PHACTR1: variants seen among roughly 807,000 people sequenced by gnomAD.
PHACTR1 encodes the protein RPEL repeat containing 1.
Under a neutral mutation model 69.2 loss-of-function variants are expected in PHACTR1, and 16 were observed. That is an observed-to-expected ratio of 0.23 (90% CI 0.16 to 0.35). The LOEUF (loss-of-function observed/expected upper bound fraction) is 0.35. Ranked by LOEUF, PHACTR1 falls within the 10% of genes least tolerant of loss-of-function variation. PHACTR1 has a pLI of 1.00. For missense variants in PHACTR1, 510 were observed against 734.7 expected, an observed-to-expected ratio of 0.69 and a Z score of 3.54; for synonymous variants, 312 against 284.5, an observed-to-expected ratio of 1.10 and a Z score of -0.97.
chr6:12,968,940 G>C (rs554530887), intron 4 of PHACTR1, among the ~76,000 whole-genome samples: 46 of 152,020 alleles, frequency 3.0e-4, no homozygotes, highest in Admixed American at 1.8e-3. Context: ...AGAATCTCCC[G>C]GGGATTCTGT....
intron 4 of PHACTR1, among the ~76,000 whole-genome samples, chr6:13,000,643 G>GAAGGAAGGGA (rs1562115334): frequency 1.8e-5 from 1 of 56,462 alleles, no homozygotes; most frequent in Non-Finnish European, 3.2e-5. Flanking sequence ...GAAGGAAGGG[G>GAAGGAAGGGA]GGAGGGAGGG....
chr6:13,052,420 G>A (rs1387392327), intron 4 of PHACTR1, among the ~76,000 whole-genome samples: 6 of 152,236 alleles, frequency 3.9e-5, no homozygotes, highest in African/African-American at 7.2e-5. Flanking sequence ...CATGGCTTCA[G>A]ATATCATTTT....
At chr6:12,957,982 A>G (rs576716831) in intron 4 of PHACTR1, 13 of 985,270 alleles carry the variant, frequency 1.3e-5, no homozygotes, top group Non-Finnish European at 1.6e-5. Context: ...AAGCCAGGAA[A>G]CAGACCCAGA....
intron 4 of PHACTR1, among the ~76,000 whole-genome samples, chr6:12,824,175 G>A (rs1413300476): frequency 6.6e-6 from 1 of 152,192 alleles, no homozygotes; most frequent in Admixed American, 6.5e-5. Flanking sequence ...GGAAGGCACA[G>A]GCAAGGGATC....
chr6:13,079,881 A>G (rs1418611340), intron 5 of PHACTR1, among the ~76,000 whole-genome samples: 2 of 152,136 alleles, frequency 1.3e-5, no homozygotes, highest in Non-Finnish European at 2.9e-5. Flanking sequence ...CATCTTCAAA[A>G]TATGTGTCCT....
intron 4 of PHACTR1, among the ~76,000 whole-genome samples, chr6:12,874,331 G>T (rs1489769031): frequency 6.6e-6 from 1 of 152,160 alleles, no homozygotes; most frequent in Non-Finnish European, 1.5e-5. Context: ...TCTGAGAGTT[G>T]AGAATAAGGG....
At chr6:13,178,198 A>G (rs1376772615) in intron 6 of PHACTR1, among the ~76,000 whole-genome samples, 1 of 152,184 alleles carries the variant, frequency 6.6e-6, no homozygotes, top group African/African-American at 2.4e-5. Context: ...CCTCTGAAAC[A>G]CATTTTTCTT....
At chr6:12,737,853 G>A (rs1764508868) in intron 3 of PHACTR1, among the ~76,000 whole-genome samples, 1 of 152,114 alleles carries the variant, frequency 6.6e-6, no homozygotes, top group South Asian at 2.1e-4. Flanking sequence ...TCAAAATGCT[G>A]AGATTATAGG....
intron 5 of PHACTR1, among the ~76,000 whole-genome samples, chr6:13,117,150 C>T (rs544378542): frequency 1.1e-4 from 16 of 152,290 alleles, no homozygotes; most frequent in Admixed American, 8.5e-4. Flanking sequence ...GAGCCGCTGA[C>T]ACTTTTCTTT....
intron 12 of PHACTR1, chr6:13,281,067 A>G (rs1780074941): frequency 7.8e-7 from 1 of 1,289,674 alleles, no homozygotes; most frequent in Non-Finnish European, 1.0e-6. Context: ...TGATTTGGAA[A>G]GACGGTGTCC....
intron 3 of PHACTR1, among the ~76,000 whole-genome samples, chr6:12,747,559 A>G (rs1160247297): frequency 6.6e-6 from 1 of 151,992 alleles, no homozygotes; most frequent in Non-Finnish European, 1.5e-5. Flanking sequence ...CTAGCTACTC[A>G]GGAGGCTTGG....
rs58523717 is a variant in PHACTR1 at position 12,829,996 on chromosome 6, G to GAGAT, written c.250+80207_250+80208insGATA. 2.1e-5 allele frequency among the ~76,000 whole-genome samples: 3 copies of GAGAT among 139,942 alleles called. 1 individual carries two copies. Among genetic ancestry groups the GAGAT allele is most frequent in the African/African-American group, 8.1e-5 (3 of 36,950 alleles). The allele number at this position is 139,942 out of a possible 152,430, so 91.8% of individuals were successfully genotyped here. On this transcript the variant is annotated intron_variant, in intron 4 of 14. Transcript: ENST00000332995. ...AGAGAGAGAGAGAGAGAGAGAGAGA[G>GAGAT]AACGAAAAGAAGGAAGGAAGGAAAA...
At chr6:13,285,972 A>T (rs1781605762) in intron 13 of PHACTR1, among the ~76,000 whole-genome samples, 174 bp from the exon 14 acceptor site, 1 of 152,192 alleles carries the variant, frequency 6.6e-6, no homozygotes, top group African/African-American at 2.4e-5. Flanking sequence ...AAGGAGGGGA[A>T]TCTTTGTTTT....
chr6:13,080,331 A>G (rs954572337), intron 5 of PHACTR1, among the ~76,000 whole-genome samples: 1 of 152,172 alleles, frequency 6.6e-6, no homozygotes, highest in African/African-American at 2.4e-5. Context: ...ATAAGCCTAG[A>G]GTCTTGTTGA....
intron 7 of PHACTR1, among the ~76,000 whole-genome samples, chr6:13,184,251 A>T (rs1762552521): frequency 4.6e-5 from 7 of 152,286 alleles, no homozygotes; most frequent in Admixed American, 3.9e-4. Context: ...TGTCATCTGT[A>T]CCCAGTGTCG....
intron 4 of PHACTR1, among the ~76,000 whole-genome samples, chr6:12,865,034 G>T (rs1262857063): frequency 6.6e-6 from 1 of 152,218 alleles, no homozygotes; most frequent in East Asian, 1.9e-4. Context: ...AAGAAGTGGA[G>T]GGTAGGGAAG....
chr6:12,734,231 A>G (rs1280224195), intron 3 of PHACTR1, among the ~76,000 whole-genome samples: 1 of 152,214 alleles, frequency 6.6e-6, no homozygotes, highest in African/African-American at 2.4e-5. Context: ...TCTAGTTTAC[A>G]TATAAGGAAA....
At chr6:12,774,364 T>C (rs955441055) in intron 4 of PHACTR1, among the ~76,000 whole-genome samples, 1 of 151,788 alleles carries the variant, frequency 6.6e-6, no homozygotes, top group Non-Finnish European at 1.5e-5. Flanking sequence ...AATCAATAAT[T>C]TGAACATATT....
intron 4 of PHACTR1, among the ~76,000 whole-genome samples, chr6:13,019,053 A>AAT (rs139940828): frequency 1.6e-3 from 180 of 110,516 alleles, no homozygotes; most frequent in Middle Eastern, 5.1e-3. Context: ...TTACAGTTGA[A>AAT]ATATATATAT....
Sources: gnomAD v4.1 joint callset for allele counts (sites outside exome capture counted in the v4.1 genomes callset) on GRCh38, gnomAD v4.1.1 for gene constraint, MANE v1.5 for transcripts, NCBI Gene and HGNC (gene_info 2026-07-23, HGNC 2026-07-21) for gene names.